UGGT1: variants seen among roughly 807,000 people sequenced by gnomAD.
The protein encoded by UGGT1 is UDP-glucose glycoprotein glucosyltransferase 1.
Under a neutral mutation model 203.9 loss-of-function variants are expected in UGGT1, and 107 were observed. That is an observed-to-expected ratio of 0.52 (90% CI 0.45 to 0.62). The LOEUF is 0.62. Among genes scored for constraint, UGGT1 ranks in the 20% least tolerant of loss-of-function variants. The pLI is 0.00. For missense variants in UGGT1, 1,673 were observed against 1,867.2 expected, an observed-to-expected ratio of 0.90 and a Z score of 1.92; for synonymous variants, 628 against 653.5, an observed-to-expected ratio of 0.96 and a Z score of 0.59.
chr2:128,108,386 A>G (rs1687700186), intron 4 of UGGT1, among the ~76,000 whole-genome samples: 1 of 152,240 alleles, frequency 6.6e-6, no homozygotes, highest in Non-Finnish European at 1.5e-5. Flanking sequence ...AAAGCAGTTC[A>G]CAGGAAATAC....
chr2:128,129,250 C>T (rs1688761915), intron 13 of UGGT1, 71 bp downstream of exon 13: 3 of 1,507,510 alleles, frequency 2.0e-6, no homozygotes, highest in South Asian at 2.7e-5. Context: ...TGATTTGTCT[C>T]TTATGAGGGT....
rs754287351 is a variant in UGGT1 at position 128,152,859 on chromosome 2, A to G, written c.2092A>G (p.Arg698Gly). 1.5e-5 allele frequency: 25 copies of G among 1,613,948 alleles called. No individual in the cohort carries two copies. ...QPNVVPRINSRILTAERDYLD... is the reference protein window; with the variant it reads ...QPNVVPRINSGILTAERDYLD... ...AAATGTTGTTCCACGAATCAATTCT[A>G]GGATTTTGACAGCTGAACGAGACTA... Residue 698 changes from arginine to glycine, a missense_variant, in exon 19 of 41, where the codon AGG becomes GGG. By Grantham distance (125) the Arg-to-Gly change is moderately radical (BLOSUM62 -2). Around this residue, in one of 4 missense-constraint regions of UGGT1, gnomAD observed 1,073 missense variants for 1,078.7 expected, o/e 0.99. Coordinates refer to ENST00000259253, the MANE Select transcript of UGGT1 (RefSeq NM_020120.4).
chr2:128,125,879 T>C (rs1370304110), intron 11 of UGGT1, among the ~76,000 whole-genome samples: 2 of 151,990 alleles, frequency 1.3e-5, no homozygotes, highest in African/African-American at 2.4e-5. Flanking sequence ...TTATACTATA[T>C]TGCTGTTTCA....
At chr2:128,139,853 C>G (rs749522505) in intron 16 of UGGT1, 1 of 154,212 alleles carries the variant, frequency 6.5e-6, no homozygotes, top group Non-Finnish European at 1.4e-5. Flanking sequence ...AGTTGGTGCT[C>G]GGGTTTTTGC....
intron 34 of UGGT1, 114 bp downstream of exon 34, chr2:128,178,683 A>C: frequency 1.2e-6 from 1 of 865,840 alleles, no homozygotes; most frequent in South Asian, 1.7e-5. Flanking sequence ...TCTTTGAAGC[A>C]CTCTGAGCAT....
At chr2:128,184,704 T>C (rs1309346807) in intron 38 of UGGT1, among the ~76,000 whole-genome samples, 3 of 152,238 alleles carry the variant, frequency 2.0e-5, no homozygotes, top group African/African-American at 7.2e-5. Flanking sequence ...TGAGACAGAA[T>C]CTCACTCTGT....
At chr2:128,123,428 A>G (rs1242294696) in intron 11 of UGGT1, among the ~76,000 whole-genome samples, 182 bp downstream of exon 11, 1 of 152,188 alleles carries the variant, frequency 6.6e-6, no homozygotes, top group Non-Finnish European at 1.5e-5. Flanking sequence ...CATAACTGAA[A>G]GCATGAAGTG....
At chr2:128,171,531 G>A in intron 28 of UGGT1, 1 of 451,252 alleles carries the variant, frequency 2.2e-6, no homozygotes, top group East Asian at 4.5e-5. Flanking sequence ...TTTTCGAGAT[G>A]GAGTCTCGCT....
rs532581786 is a variant in UGGT1, at chr2:128,123,079, G to T, written c.1074-107G>T. 19 of 810,254 alleles carry T rather than the reference G, an allele frequency of 2.3e-5. No homozygotes were observed. The East Asian group carries it at 5.7e-4, about 24-fold the overall frequency. 50.2% of individuals were successfully genotyped at this position (810,254 alleles called of 1,614,324 possible). On this transcript the variant is annotated intron_variant, in intron 10 of 40. Coordinates refer to ENST00000259253, the MANE Select transcript of UGGT1 (RefSeq NM_020120.4). ...AAAAATTTAAGGTTTTTCCCATTCA[G>T]TTTTTTCTAATTTATTGAATAATGT...
At chr2:128,143,031 G>T in intron 16 of UGGT1, 63 bp from the exon 17 acceptor site, 1 of 1,461,226 alleles carries the variant, frequency 6.8e-7, no homozygotes, top group Non-Finnish European at 9.1e-7. Context: ...GAAAAATGTG[G>T]AATAAACACT....
In UGGT1 at chr2:128,191,093, C is replaced by T. The variant is rs542430119; in HGVS notation, c.*1351C>T. The T allele has an allele frequency of 6.6e-6, 1 of 152,396 alleles. No homozygotes were observed. The highest frequency in any genetic ancestry group is 1.5e-5 in the Non-Finnish European group (1 of 68,054). 9.4% of individuals were successfully genotyped at this position (152,396 alleles called of 1,614,324 possible). A position where few individuals can be genotyped will look rare whatever the true frequency, so the allele number is the denominator to read the frequency against. ...TGCCAGGCTGCAGGGCACAGCAGCACTGGCATAGACAGGCACGCTCTGTCT... is the reference window on the plus strand; with the variant it reads ...TGCCAGGCTGCAGGGCACAGCAGCATTGGCATAGACAGGCACGCTCTGTCT... On this transcript the variant is annotated 3_prime_UTR_variant, in exon 41 of 41. Transcript: ENST00000259253.
chr2:128,137,936 ACCT>A (rs1689210350), intron 15 of UGGT1, among the ~76,000 whole-genome samples: 2 of 151,908 alleles, frequency 1.3e-5, no homozygotes. Flanking sequence ...ATAAACTTTA[ACCT>A]TGGTTATTGC....
intron 1 of UGGT1, among the ~76,000 whole-genome samples, chr2:128,095,979 C>T (rs184763227): frequency 6.6e-6 from 1 of 152,172 alleles, no homozygotes; most frequent in Non-Finnish European, 1.5e-5. Flanking sequence ...CATATTCACA[C>T]CCCCTTTTAG....
chr2:128,124,104 C>T, intron 11 of UGGT1, among the ~76,000 whole-genome samples: 1 of 152,144 alleles, frequency 6.6e-6, no homozygotes, highest in Admixed American at 6.5e-5. Context: ...TGCTACCACT[C>T]CCGGCTAATT....
intron 32 of UGGT1, among the ~76,000 whole-genome samples, chr2:128,177,600 G>A (rs757614574): frequency 2.1e-4 from 32 of 152,190 alleles, no homozygotes; most frequent in Non-Finnish European, 4.4e-4. Context: ...TGAAAATGGG[G>A]TTCATCTAAT....
chr2:128,120,962 CGTTAGTGT>C (rs1688355513), intron 9 of UGGT1, among the ~76,000 whole-genome samples: 1 of 91,622 alleles, frequency 1.1e-5, no homozygotes, highest in African/African-American at 3.5e-5. Context: ...GTTAGTGTAG[CGTTAGTGT>C]GTGCCCTAGT....
At chr2:128,183,864 G>T in intron 38 of UGGT1, 75 bp downstream of exon 38, 1 of 1,126,220 alleles carries the variant, frequency 8.9e-7, no homozygotes, top group South Asian at 1.3e-5. Context: ...AGTATTACTT[G>T]TGTCTTCAGT....
Position 128,179,789 on chromosome 2 carries a change from A to T in UGGT1, c.3819A>T (p.Ile1273=). 6.2e-7 allele frequency: 1 copy of T among 1,611,514 alleles called. No individual in the cohort carries two copies. The highest frequency in any genetic ancestry group is 1.7e-5 in the Admixed American group (1 of 59,286). ...ATTACCTGCTTTTGTTTGGCAGCAT[A>T]ATGATGCTATCCGTGCTGAAGAATA... is the stretch of plus-strand genomic sequence containing the variant. ...SGHLYERFLR[I]MMLSVLKNTK... is the part of the protein sequence containing the mutation. The change falls in exon 35 of 41, where the codon ATA becomes ATT. Residue 1273 remains isoleucine, a synonymous_variant. Coordinates refer to ENST00000259253, the MANE Select transcript of UGGT1 (RefSeq NM_020120.4).
chr2:128,109,337 G>A (rs1044850576), intron 4 of UGGT1, among the ~76,000 whole-genome samples: 4 of 152,140 alleles, frequency 2.6e-5, no homozygotes, highest in African/African-American at 9.7e-5. Flanking sequence ...CTTAGTAGCT[G>A]GGACTACAGG....
Sources: gnomAD v4.1 joint callset for allele counts (sites outside exome capture counted in the v4.1 genomes callset) on GRCh38, gnomAD v4.1.1 for gene constraint, gnomAD v4.1.1 regional missense constraint, MANE v1.5 for transcripts, NCBI Gene and HGNC (gene_info 2026-07-23, HGNC 2026-07-21) for gene names.